ATRNL1: variants seen among roughly 807,000 people sequenced by gnomAD.
ATRNL1 encodes the protein attractin like 1.
In ATRNL1, 95 loss-of-function variants were observed where a neutral mutation model predicts 182.7. That is an observed-to-expected ratio of 0.52 (90% CI 0.44 to 0.62). The LOEUF is 0.62. Ranked by LOEUF, ATRNL1 falls within the 20% of genes least tolerant of loss-of-function variation. The probability of loss-of-function intolerance (pLI) is 0.00; values close to 1 mark genes in which losing one functional copy is unlikely to be tolerated. For missense variants in ATRNL1, 1,471 were observed against 1,679.5 expected (o/e 0.88, Z 2.17); for synonymous variants, 576 against 568.3 (o/e 1.01, Z -0.19).
At chr10:115,676,699 T>TGAAG (rs143795790) in intron 26 of ATRNL1, among the ~76,000 whole-genome samples, 1,762 of 151,640 alleles carry the variant, frequency 0.012, 32 homozygotes, top group African/African-American at 0.04. Flanking sequence ...TAAAAAAAGA[T>TGAAG]AAAAGGCAAA....
chr10:115,641,794 G>T (rs1267647534), intron 26 of ATRNL1, among the ~76,000 whole-genome samples: 1 of 151,690 alleles, frequency 6.6e-6, no homozygotes, highest in Non-Finnish European at 1.5e-5. Context: ...CTATTGAAGG[G>T]ACAGAAAAAC....
At chr10:115,735,710 G>A (rs1555065317) in intron 27 of ATRNL1, among the ~76,000 whole-genome samples, 1 of 152,162 alleles carries the variant, frequency 6.6e-6, no homozygotes, top group Non-Finnish European at 1.5e-5. Context: ...TGATGAATGG[G>A]CAAGTAATTT....
At chr10:115,620,139 G>A (rs61881120) in intron 26 of ATRNL1, among the ~76,000 whole-genome samples, 25,699 of 152,168 alleles carry the variant, frequency 0.17, 2,660 homozygotes, top group South Asian at 0.24. Context: ...AGCCTCAGGA[G>A]GCTTACAATC....
intron 27 of ATRNL1, among the ~76,000 whole-genome samples, chr10:115,728,298 CAAAAAAA>C (rs58437496): frequency 1.7e-5 from 1 of 58,776 alleles, no homozygotes; most frequent in Non-Finnish European, 2.8e-5. Flanking sequence ...GACTCCGCCT[CAAAAAAA>C]AAAAAAAAAA....
At chr10:115,536,280 A>T (rs1291715092) in intron 25 of ATRNL1, among the ~76,000 whole-genome samples, 2 of 151,988 alleles carry the variant, frequency 1.3e-5, no homozygotes, top group Non-Finnish European at 2.9e-5. Context: ...CAAGCTTCCC[A>T]GATTCTTTGT....
chr10:115,537,708 T>TTTGTTTGTTTGC (rs1208629687), intron 25 of ATRNL1, among the ~76,000 whole-genome samples: 1 of 152,140 alleles, frequency 6.6e-6, no homozygotes, highest in African/African-American at 2.4e-5. Context: ...TTATTGTTTG[T>TTTGTTTGTTTGC]TTTTTACTTC....
At chr10:115,650,131 A>G (rs534900680) in intron 26 of ATRNL1, among the ~76,000 whole-genome samples, 221 of 152,234 alleles carry the variant, frequency 1.5e-3, no homozygotes, top group African/African-American at 5.1e-3. Context: ...CCTTATTAAC[A>G]TGGCCACTGG....
chr10:115,571,995 T>G (rs1321928863), intron 26 of ATRNL1, among the ~76,000 whole-genome samples: 1 of 152,048 alleles, frequency 6.6e-6, no homozygotes, highest in Non-Finnish European at 1.5e-5. Flanking sequence ...ATGATGTTTA[T>G]ATGAAATGTG....
rs373932674 is a variant in ATRNL1 at position 115,943,200 on chromosome 10, A to G, written c.4019-1458A>G. On this transcript the variant is annotated intron_variant, in intron 28 of 28. Coordinates refer to ENST00000355044, the MANE Select transcript of ATRNL1 (RefSeq NM_207303.4). ...AACTCTATCCATGGAGTGCTTTTGTAATTTTTAAAACAGTTTATGAGAATG... is the reference window on the plus strand; with the variant it reads ...AACTCTATCCATGGAGTGCTTTTGTGATTTTTAAAACAGTTTATGAGAATG... Among the ~76,000 whole-genome samples, 273 of 152,354 alleles carry G rather than the reference A, an allele frequency of 1.8e-3. 1 individual carries two copies. The highest frequency in any genetic ancestry group is 6.3e-3 in the African/African-American group (263 of 41,586).
chr10:115,133,864 A>G (rs1421678038), intron 5 of ATRNL1, among the ~76,000 whole-genome samples: 1 of 152,298 alleles, frequency 6.6e-6, no homozygotes, highest in East Asian at 1.9e-4. Context: ...ACCACAGTGC[A>G]ATCAAACTAG....
At chr10:115,617,195 A>G (rs1417988537) in intron 26 of ATRNL1, among the ~76,000 whole-genome samples, 3 of 152,134 alleles carry the variant, frequency 2.0e-5, no homozygotes, top group African/African-American at 7.2e-5. Context: ...CAGTCAAGGG[A>G]TATTATTTTG....
chr10:115,712,745 G>A (rs1319896615), intron 26 of ATRNL1, among the ~76,000 whole-genome samples: 1 of 151,930 alleles, frequency 6.6e-6, no homozygotes, highest in Non-Finnish European at 1.5e-5. Context: ...ATGTGCGCCT[G>A]TAATCCCAGC....
chr10:115,343,474 T>G (rs1172442802), intron 19 of ATRNL1, among the ~76,000 whole-genome samples: 5 of 152,184 alleles, frequency 3.3e-5, no homozygotes, highest in African/African-American at 1.2e-4. Flanking sequence ...CCTTGATACC[T>G]TTTAATTATT....
At chr10:115,806,287 G>A (rs1234553003) in intron 27 of ATRNL1, among the ~76,000 whole-genome samples, 1 of 152,084 alleles carries the variant, frequency 6.6e-6, no homozygotes, top group African/African-American at 2.4e-5. Flanking sequence ...GACTATTGAA[G>A]TTGAAATTTC....
rs552790915 is a variant in ATRNL1 at position 115,262,163 on chromosome 10, G to A, written c.1688-3030G>A. Among the ~76,000 whole-genome samples the A allele has an allele frequency of 2.7e-5, 4 of 149,476 alleles. No homozygotes were observed. In the South Asian group the frequency reaches 6.3e-4, roughly 23 times the overall value. ...TTCTGGAATATGCTTTGGGAAGATA[G>A]GGGGCAGTGGATTTTTTTTTTTTTT... On this transcript the variant is annotated intron_variant, in intron 10 of 28. Coordinates refer to ENST00000355044, the MANE Select transcript of ATRNL1 (RefSeq NM_207303.4).
At chr10:115,330,546 TA>T (rs1489816511) in intron 18 of ATRNL1, among the ~76,000 whole-genome samples, 2 of 152,134 alleles carry the variant, frequency 1.3e-5, no homozygotes, top group Admixed American at 6.5e-5. Flanking sequence ...AAGTTTGCTC[TA>T]TACGGTATTC....
intron 25 of ATRNL1, among the ~76,000 whole-genome samples, chr10:115,545,647 A>G (rs1387783163): frequency 1.3e-5 from 2 of 152,220 alleles, no homozygotes; most frequent in Admixed American, 6.5e-5. Flanking sequence ...TCCCGTCTCA[A>G]ACTGAATCTT....
chr10:115,193,359 G>A (rs1451275941), intron 8 of ATRNL1, among the ~76,000 whole-genome samples: 1 of 151,892 alleles, frequency 6.6e-6, no homozygotes, highest in African/African-American at 2.4e-5. Flanking sequence ...CAGGTACTAG[G>A]CTTTTGTTTG....
At chr10:115,622,211 A>G (rs576350310) in intron 26 of ATRNL1, among the ~76,000 whole-genome samples, 6 of 152,362 alleles carry the variant, frequency 3.9e-5, no homozygotes, top group Admixed American at 3.3e-4. Context: ...TATAGGATTC[A>G]TAGACCTATC....
Sources: gnomAD v4.1 joint callset for allele counts (sites outside exome capture counted in the v4.1 genomes callset) on GRCh38, gnomAD v4.1.1 for gene constraint, MANE v1.5 for transcripts, NCBI Gene and HGNC (gene_info 2026-07-23, HGNC 2026-07-21) for gene names.